The following MAPK6 variants were observed in gnomAD, a reference collection of about 807,000 sequenced individuals.
MAPK6 encodes mitogen-activated protein kinase 6, also known as ERK-3.
Under a neutral mutation model 59.3 loss-of-function variants are expected in MAPK6, and 19 were observed. That is an observed-to-expected ratio of 0.32 (90% CI 0.22 to 0.47). MAPK6 has a LOEUF of 0.47. Among genes scored for constraint, MAPK6 ranks in the 20% least tolerant of loss-of-function variants. MAPK6 has a pLI of 1.00. For missense variants in MAPK6, 724 were observed against 847.9 expected (o/e 0.85, Z 1.81); for synonymous variants, 316 against 290.3 (o/e 1.09, Z -0.90).
intron 4 of MAPK6, among the ~76,000 whole-genome samples, chr15:52,061,041 C>T (rs1174132829): frequency 6.6e-6 from 1 of 152,212 alleles, no homozygotes; most frequent in Non-Finnish European, 1.5e-5. Flanking sequence ...CCACCACACT[C>T]AGCCAGAAAA....
intron 1 of MAPK6, among the ~76,000 whole-genome samples, chr15:52,027,355 A>AAAAAAAAAG (rs2030836851): frequency 6.7e-6 from 1 of 148,432 alleles, no homozygotes; most frequent in African/African-American, 2.5e-5. Context: ...CTCTCAAAAA[A>AAAAAAAAAG]AAAAAAAAAA....
chr15:51,971,946 T>C (rs1241992170), intron 1 of MAPK6: 10 of 579,256 alleles, frequency 1.7e-5, no homozygotes, highest in East Asian at 3.1e-5. Flanking sequence ...CGTCAATATC[T>C]GTTATTTGCC....
chr15:51,981,420 C>T (rs1042883126), intron 1 of MAPK6, among the ~76,000 whole-genome samples: 20 of 149,702 alleles, frequency 1.3e-4, no homozygotes, highest in African/African-American at 4.2e-4. Flanking sequence ...TGCAGTGAGC[C>T]GAGATCGTGC....
upstream of MAPK6, among the ~76,000 whole-genome samples, chr15:52,018,226 A>G (rs75039201): frequency 0.077 from 5,623 of 72,996 alleles, 238 homozygotes; most frequent in East Asian, 0.19. Flanking sequence ...CGGGGCTTTC[A>G]CCATGTTGGC....
At chr15:51,979,117 G>A (rs537363603) in intron 1 of MAPK6, among the ~76,000 whole-genome samples, 46 of 125,256 alleles carry the variant, frequency 3.7e-4, no homozygotes, top group Admixed American at 2.7e-3. Flanking sequence ...AAAAAAAAAA[G>A]AGAGAAAGAA....
intron 5 of MAPK6, among the ~76,000 whole-genome samples, chr15:52,062,538 G>T (rs2032243924): frequency 6.6e-6 from 1 of 152,054 alleles, no homozygotes. Flanking sequence ...GCTGAGGCAG[G>T]CCAATTACCT....
At chr15:51,983,080 A>G (rs1176092568) in intron 1 of MAPK6, among the ~76,000 whole-genome samples, 1 of 152,224 alleles carries the variant, frequency 6.6e-6, no homozygotes, top group Non-Finnish European at 1.5e-5. Flanking sequence ...GGGTAGGAAA[A>G]TGGGTTAGAA....
intron 3 of MAPK6, among the ~76,000 whole-genome samples, chr15:52,051,861 C>CTG (rs2031794509): frequency 7.0e-6 from 1 of 142,590 alleles, no homozygotes. Context: ...GCGACAGAGA[C>CTG]TCTGTCTCAA....
intron 1 of MAPK6, among the ~76,000 whole-genome samples, chr15:52,028,505 G>A (rs1428641403): frequency 6.6e-6 from 1 of 152,164 alleles, no homozygotes; most frequent in Non-Finnish European, 1.5e-5. Flanking sequence ...CAGTATGGTA[G>A]CTACTAATCA....
intron 2 of MAPK6, among the ~76,000 whole-genome samples, chr15:51,998,372 T>G (rs2057231693): frequency 6.6e-6 from 1 of 151,784 alleles, no homozygotes; most frequent in African/African-American, 2.4e-5. Flanking sequence ...AGCTGGCTAA[T>G]TTTTGTATTT....
Position 52,065,201 on chromosome 15 carries a change from CAAAAATAAAGACTAGAGCAAAAT to C in MAPK6, c.*204_*226del, listed in dbSNP as rs879338847. 1.8e-5 allele frequency: 9 copies of C among 500,734 alleles called. No homozygotes were observed. The Admixed American group carries it at 3.4e-4, about 19-fold the overall frequency. The allele number at this position is 500,734 out of a possible 1,614,324, so 31.0% of individuals were successfully genotyped here. A position where few individuals can be genotyped will look rare whatever the true frequency, so the allele number is the denominator to read the frequency against. The stretch of plus-strand genomic sequence containing the variant: ...TTTTAACTGGCATGTCATTTGCACA[CAAAAATAAAGACTAGAGCAAAAT>C]AATGCAACGCAGGAGGAGAAAAGAA... On this transcript the variant is annotated 3_prime_UTR_variant, in exon 6 of 6. Transcript: ENST00000261845.
At chr15:52,021,979 G>A (rs761427449) in intron 1 of MAPK6, among the ~76,000 whole-genome samples, 9 of 151,942 alleles carry the variant, frequency 5.9e-5, no homozygotes, top group Non-Finnish European at 1.2e-4. Flanking sequence ...CCAACGTTTA[G>A]CAAGGTGGCT....
intron 2 of MAPK6, among the ~76,000 whole-genome samples, chr15:51,999,134 T>C (rs2057235083): frequency 6.6e-6 from 1 of 151,982 alleles, no homozygotes; most frequent in Non-Finnish European, 1.5e-5. Flanking sequence ...TAGCTGAGAA[T>C]ACAGGTGGGC....
intron 2 of MAPK6, among the ~76,000 whole-genome samples, chr15:51,985,757 G>C (rs1595958205): frequency 6.6e-6 from 1 of 152,184 alleles, no homozygotes; most frequent in Admixed American, 6.5e-5. Flanking sequence ...AGGACATCAA[G>C]ACCATCCTGG....
chr15:52,051,760 G>C (rs1379414871), intron 3 of MAPK6, among the ~76,000 whole-genome samples: 1 of 151,934 alleles, frequency 6.6e-6, no homozygotes, highest in East Asian at 1.9e-4. Context: ...TGTAATCCCA[G>C]CTACTGGGGA....
intron 2 of MAPK6, among the ~76,000 whole-genome samples, chr15:52,048,206 A>G (rs908828932): frequency 2.0e-5 from 3 of 151,878 alleles, no homozygotes; most frequent in East Asian, 2.0e-4. Flanking sequence ...CTGGAGTGCA[A>G]TAGTGTGATC....
At chr15:51,993,566 A>G (rs1166086687) in intron 2 of MAPK6, among the ~76,000 whole-genome samples, 1 of 152,194 alleles carries the variant, frequency 6.6e-6, no homozygotes, top group Admixed American at 6.6e-5. Context: ...GTATTAGTGT[A>G]AATTCATAAT....
At chr15:52,061,203 A>T in intron 4 of MAPK6, 96 bp from the exon 5 acceptor site, 1 of 882,616 alleles carries the variant, frequency 1.1e-6, no homozygotes, top group Non-Finnish European at 1.9e-6. Context: ...TAAGGTAATC[A>T]CTTAGCTAGT....
intron 2 of MAPK6, among the ~76,000 whole-genome samples, chr15:51,997,110 G>T (rs920289581): frequency 6.6e-6 from 1 of 151,880 alleles, no homozygotes; most frequent in African/African-American, 2.4e-5. Context: ...CTCCTGAGTA[G>T]CTGGGATTAC....
Sources: allele counts gnomAD v4.1 joint callset (sites outside exome capture counted in the v4.1 genomes callset), GRCh38; gene constraint gnomAD v4.1.1; transcripts MANE v1.5; gene names NCBI Gene and HGNC (gene_info 2026-07-23, HGNC 2026-07-21).